IQSEC1: variants seen among roughly 807,000 people sequenced by gnomAD.
IQSEC1 encodes the protein IQ motif and SEC7 domain-containing protein 1.
Under a neutral mutation model 91.0 loss-of-function variants are expected in IQSEC1, and 31 were observed. The observed-to-expected ratio is 0.34, with a 90% CI of 0.26 to 0.46. IQSEC1 has a LOEUF of 0.46. Among genes scored for constraint, IQSEC1 ranks in the 20% least tolerant of loss-of-function variants. The probability of loss-of-function intolerance (pLI) is 1.00; values close to 1 mark genes in which losing one functional copy is unlikely to be tolerated. For missense variants in IQSEC1, 1,388 were observed against 1,575.6 expected (o/e 0.88, Z 2.02); for synonymous variants, 699 against 662.6 (o/e 1.05, Z -0.84).
upstream of IQSEC1, among the ~76,000 whole-genome samples, chr3:13,076,038 C>A (rs1705556688): frequency 6.6e-6 from 1 of 152,230 alleles, no homozygotes; most frequent in South Asian, 2.1e-4. Context: ...TGAGAGGGTC[C>A]TGATCACATA....
At chr3:12,947,926 T>C (rs770426871) in intron 1 of IQSEC1, among the ~76,000 whole-genome samples, 1 of 152,218 alleles carries the variant, frequency 6.6e-6, no homozygotes, top group African/African-American at 2.4e-5. Context: ...TAGATCCCTA[T>C]AGGACAGTGT....
rs1439771735 is a variant in IQSEC1, at chr3:13,191,753, A to G, written c.273-27620T>C. Reference sequence around the variant, plus strand: ...TCTCAGCACTAGCTTTAAAGCTACTATGTCCTCTTTGATAATTTCCTTCGC... The same window carrying G: ...TCTCAGCACTAGCTTTAAAGCTACTGTGTCCTCTTTGATAATTTCCTTCGC... On this transcript the variant is annotated intron_variant, in intron 1 of 15. Coordinates refer to the IQSEC1 transcript ENST00000648114. 3.3e-5 allele frequency among the ~76,000 whole-genome samples: 5 copies of G among 152,248 alleles called. No individual in the cohort carries two copies. In the South Asian group the frequency reaches 8.3e-4, roughly 25 times the overall value.
chr3:13,079,403 G>C (rs1280304498), intron 2 of IQSEC1, among the ~76,000 whole-genome samples: 1 of 152,234 alleles, frequency 6.6e-6, no homozygotes, highest in South Asian at 2.1e-4. Flanking sequence ...TGCCTTGGGC[G>C]GTGGTGGACA....
chr3:12,973,555 C>T (rs1045375086), intron 1 of IQSEC1, among the ~76,000 whole-genome samples: 3 of 152,162 alleles, frequency 2.0e-5, no homozygotes, highest in Non-Finnish European at 2.9e-5. Flanking sequence ...AGACAGCTAC[C>T]ACAGCCCTAG....
intron 1 of IQSEC1, among the ~76,000 whole-genome samples, chr3:12,989,363 G>A (rs529454855): frequency 1.3e-5 from 2 of 152,318 alleles, no homozygotes; most frequent in African/African-American, 4.8e-5. Flanking sequence ...GGTGGCTTCT[G>A]TGATATCCCA....
rs547217475 is a variant in IQSEC1 at position 13,103,068 on chromosome 3, G to A, written c.303-55546C>T. On this transcript the variant is annotated intron_variant, in intron 2 of 15. Coordinates refer to the IQSEC1 transcript ENST00000648114. The surrounding 1 kb of genome is among the most constrained non-coding windows in gnomAD (Gnocchi z 4.1). ...TGTCGGAAGGGACTCTGACTTCTGC[G>A]CAGGGATGCAGCTTGCTCCCATGCT... is the stretch of plus-strand genomic sequence containing the variant. Among the ~76,000 whole-genome samples the A allele has an allele frequency of 2.1e-3, 313 of 152,060 alleles. 1 individual carries two copies. The highest frequency in any genetic ancestry group is 7.2e-3 in the African/African-American group (297 of 41,472).
intron 1 of IQSEC1, among the ~76,000 whole-genome samples, chr3:13,210,781 C>T (rs1352803527): frequency 6.6e-6 from 1 of 152,154 alleles, no homozygotes; most frequent in Non-Finnish European, 1.5e-5. Flanking sequence ...TCCCTGTGCC[C>T]ACCCTGATGG....
chr3:13,079,537 G>A (rs1208459823), intron 2 of IQSEC1, among the ~76,000 whole-genome samples: 1 of 152,230 alleles, frequency 6.6e-6, no homozygotes, highest in Non-Finnish European at 1.5e-5. Flanking sequence ...AGGCCCAGAG[G>A]TTTGCCAGTG....
Position 12,903,495 on chromosome 3 carries a change from C to CA in IQSEC1, c.2756-674dup, listed in dbSNP as rs528628377. 3.9e-3 allele frequency among the ~76,000 whole-genome samples: 601 copies of CA among 152,334 alleles called. 2 individuals are homozygous for CA. Among genetic ancestry groups the CA allele is most frequent in the Non-Finnish European group, 6.5e-3 (440 of 68,024 alleles). On this transcript the variant is annotated intron_variant, in intron 12 of 13. Transcript: ENST00000613206. ...GATTCCTCTGCTTGGTACCACCCCC[C>CA]AAAGGGGCCACAAAGCCTTCCCTAA...
At chr3:13,087,469 T>C (rs1039828207) in intron 2 of IQSEC1, among the ~76,000 whole-genome samples, 3 of 152,210 alleles carry the variant, frequency 2.0e-5, no homozygotes, top group Non-Finnish European at 2.9e-5. Context: ...ATCTGCAAAA[T>C]GGGTTGGTAA....
At chr3:12,927,312 G>A (rs1446662393) in intron 3 of IQSEC1, among the ~76,000 whole-genome samples, 1 of 152,140 alleles carries the variant, frequency 6.6e-6, no homozygotes, top group East Asian at 1.9e-4. Flanking sequence ...TGGCGTCCCT[G>A]GGCCTATGCT....
Position 12,936,630 on chromosome 3 carries a change from G to A in IQSEC1, c.386C>T (p.Thr129Met), listed in dbSNP as rs769485180. The A allele has an allele frequency of 1.8e-5, 29 of 1,611,128 alleles. No homozygotes were observed. Among genetic ancestry groups the A allele is most frequent in the South Asian group, 2.2e-5 (2 of 90,666 alleles). ...GTTCATCTGGTACTGGCGAAACGCCGTCTGGATGGTGCGGGCCGCATGGCG... is the reference window on the plus strand; with the variant it reads ...GTTCATCTGGTACTGGCGAAACGCCATCTGGATGGTGCGGGCCGCATGGCG... ...VTRHAARTIQ[T>M]AFRQYQMNKN... Residue 129 changes from threonine to methionine, a missense_variant, in exon 3 of 14, where the codon ACG (threonine) becomes ATG (methionine). Thr to Met is a moderately conservative substitution (Grantham distance 81, BLOSUM62 -1). Transcript: ENST00000613206.
chr3:12,995,999 G>C (rs1702212169), intron 1 of IQSEC1, among the ~76,000 whole-genome samples: 1 of 152,180 alleles, frequency 6.6e-6, no homozygotes. Context: ...GGGCAACACA[G>C]CGAGACTCCA....
intron 1 of IQSEC1, among the ~76,000 whole-genome samples, chr3:13,176,236 C>G (rs1365612616): frequency 1.3e-5 from 2 of 152,206 alleles, no homozygotes; most frequent in Non-Finnish European, 2.9e-5. Flanking sequence ...ACTATAGCCC[C>G]CACCCTGAAC....
intron 2 of IQSEC1, among the ~76,000 whole-genome samples, chr3:12,939,165 G>A (rs190078031): frequency 1.1e-4 from 17 of 152,252 alleles, no homozygotes; most frequent in East Asian, 3.9e-4. Context: ...GACACTCAGC[G>A]GAGGGAAGAC....
intron 1 of IQSEC1, among the ~76,000 whole-genome samples, chr3:13,059,147 G>A (rs1458152425): frequency 6.6e-6 from 1 of 152,074 alleles, no homozygotes; most frequent in Non-Finnish European, 1.5e-5. Context: ...CCAGACACAA[G>A]GAGCTCAATG....
At chr3:13,226,107 G>A (rs1419928156) in intron 1 of IQSEC1, among the ~76,000 whole-genome samples, 3 of 152,142 alleles carry the variant, frequency 2.0e-5, no homozygotes, top group East Asian at 1.9e-4. Context: ...TCGAACTCCC[G>A]ACCTCAGGTG....
chr3:12,936,551 C>G lies in IQSEC1; in HGVS notation c.465G>C (p.Arg155=), dbSNP rs761503384. 184 of 1,613,308 alleles carry G rather than the reference C, an allele frequency of 1.1e-4. No individual in the cohort carries two copies. The highest frequency in any genetic ancestry group is 1.5e-4 in the Non-Finnish European group (178 of 1,180,040). The change falls in exon 3 of 14, where the codon CGG becomes CGC. Residue 155 remains arginine (R), a synonymous_variant. Coordinates refer to ENST00000613206, the MANE Select transcript of IQSEC1 (RefSeq NM_001134382.3). The part of the protein sequence containing the change: ...SSMSENRMSR[R]IVLSNMRMQF... ...GCATCCTCATGTTGGACAGCACAAT[C>G]CGGCGTGACATGCGGTTCTCTGACA...
intron 6 of IQSEC1, among the ~76,000 whole-genome samples, chr3:12,919,824 C>T (rs77118593): frequency 0.02 from 3,117 of 152,264 alleles, 63 homozygotes; most frequent in South Asian, 0.04. Flanking sequence ...GAGAAGGTCA[C>T]GGCCTTTTAG....
Sources: allele counts gnomAD v4.1 joint callset (sites outside exome capture counted in the v4.1 genomes callset), GRCh38; gene constraint gnomAD v4.1.1; non-coding constraint Gnocchi (gnomAD v3.1); transcripts MANE v1.5; gene names NCBI Gene and HGNC (gene_info 2026-07-23, HGNC 2026-07-21).